The following PDE1C variants were observed in gnomAD, a reference collection of about 807,000 sequenced individuals.
PDE1C encodes the protein phosphodiesterase 1C.
PDE1C carries 62 observed loss-of-function variants against 93.1 expected under a neutral mutation model. That is an observed-to-expected ratio of 0.67 (90% CI 0.54 to 0.82). The LOEUF (loss-of-function observed/expected upper bound fraction) is 0.82, where lower values mean the gene tolerates loss of function less well. Among genes scored for constraint, PDE1C ranks in the 40% least tolerant of loss-of-function variants. The pLI is 0.00. For synonymous variants in PDE1C, 325 were observed against 310.1 expected, an observed-to-expected ratio of 1.05 and a Z score of -0.50; for missense variants, 742 against 884.6, an observed-to-expected ratio of 0.84 and a Z score of 2.04.
At chr7:32,235,140 T>G (rs1203999209) in intron 1 of PDE1C, among the ~76,000 whole-genome samples, 1 of 152,012 alleles carries the variant, frequency 6.6e-6, no homozygotes, top group African/African-American at 2.4e-5. Flanking sequence ...AACCTACAGC[T>G]AAAATCATAC....
At chr7:31,714,364 AATTATC>A in the PDE1C span, among the ~76,000 whole-genome samples, 2 of 152,004 alleles carry the variant, frequency 1.3e-5, no homozygotes, top group Non-Finnish European at 2.9e-5. Context: ...TTGTCTATAT[AATTATC>A]ATCATTTTGT....
intron 10 of PDE1C, 120 bp from the exon 11 acceptor site, chr7:31,837,420 G>T: frequency 1.1e-6 from 1 of 878,520 alleles, no homozygotes; most frequent in Non-Finnish European, 1.6e-6. Flanking sequence ...CCCCACTTCA[G>T]CTAAATTGAG....
chr7:32,041,934 G>A (rs942041827), intron 2 of PDE1C, among the ~76,000 whole-genome samples: 15 of 152,054 alleles, frequency 9.9e-5, no homozygotes, highest in Non-Finnish European at 2.1e-4. Flanking sequence ...TCTTTTTGAC[G>A]TTGATTTATT....
At chr7:31,774,045 T>A (rs532477474) in intron 17 of PDE1C, among the ~76,000 whole-genome samples, 62 of 152,254 alleles carry the variant, frequency 4.1e-4, no homozygotes, top group African/African-American at 1.5e-3. Context: ...GTGAGGGAGC[T>A]ACAGAAATTG....
At chr7:32,002,464 A>T (rs562570865) in intron 2 of PDE1C, among the ~76,000 whole-genome samples, 1 of 152,258 alleles carries the variant, frequency 6.6e-6, no homozygotes, top group East Asian at 1.9e-4. Context: ...CAGTTTCCTC[A>T]TCTGTGAAAA....
At chr7:31,966,034 G>C (rs1466960984) in intron 2 of PDE1C, among the ~76,000 whole-genome samples, 1 of 152,188 alleles carries the variant, frequency 6.6e-6, no homozygotes, top group Admixed American at 6.5e-5. Flanking sequence ...TCAAGGCTAG[G>C]AAGAAACTGC....
chr7:31,820,421 T>C (rs554084215), intron 14 of PDE1C: 1 of 152,232 alleles, frequency 6.6e-6, no homozygotes, highest in South Asian at 2.1e-4. Flanking sequence ...TTGATCAGAC[T>C]TGAAAATTGT....
intron 1 of PDE1C, among the ~76,000 whole-genome samples, chr7:32,426,043 C>CA (rs1012646348): frequency 2.0e-5 from 3 of 152,094 alleles, no homozygotes; most frequent in Non-Finnish European, 2.9e-5. Context: ...CTCCCACACA[C>CA]AAAAAATATA....
chr7:31,855,811 A>G (rs996870106), intron 7 of PDE1C, among the ~76,000 whole-genome samples: 23 of 148,428 alleles, frequency 1.5e-4, no homozygotes, highest in East Asian at 9.7e-4. Context: ...AAAAAAAAAG[A>G]CAAAGGGAAA....
At chr7:32,207,214 A>G (rs1353992297) in intron 2 of PDE1C, among the ~76,000 whole-genome samples, 1 of 152,142 alleles carries the variant, frequency 6.6e-6, no homozygotes, top group East Asian at 1.9e-4. Context: ...TAGAGGGTCC[A>G]GCCATCACAG....
intron 2 of PDE1C, among the ~76,000 whole-genome samples, chr7:31,920,542 CTTG>C (rs1303070144): frequency 6.6e-6 from 1 of 151,126 alleles, no homozygotes; most frequent in African/African-American, 2.5e-5. Flanking sequence ...GTATAGCCAC[CTTG>C]TTAAGTCTTT....
At chr7:31,913,479 C>T (rs1382947741) in intron 2 of PDE1C, among the ~76,000 whole-genome samples, 1 of 151,874 alleles carries the variant, frequency 6.6e-6, no homozygotes, top group African/African-American at 2.4e-5. Context: ...TGGTAGCAAT[C>T]AACACTGGGT....
intron 2 of PDE1C, among the ~76,000 whole-genome samples, chr7:31,967,486 A>T (rs148792182): frequency 0.018 from 2,695 of 152,324 alleles, 77 homozygotes; most frequent in African/African-American, 0.061. Context: ...CCAACCAAAG[A>T]AAGTCCACGA....
At chr7:32,105,222 A>G (rs1048638359) in intron 3 of PDE1C, among the ~76,000 whole-genome samples, 1 of 152,216 alleles carries the variant, frequency 6.6e-6, no homozygotes, top group East Asian at 1.9e-4. Context: ...GGGACATGAG[A>G]TAATTTTCTT....
intron 2 of PDE1C, among the ~76,000 whole-genome samples, chr7:32,028,047 G>GCT: frequency 6.6e-6 from 1 of 152,220 alleles, no homozygotes; most frequent in South Asian, 2.1e-4. Flanking sequence ...CCTCCTGATT[G>GCT]ACAGCTAGAG....
intron 1 of PDE1C, among the ~76,000 whole-genome samples, chr7:32,265,948 G>T (rs1810540838): frequency 7.3e-6 from 1 of 137,222 alleles, no homozygotes; most frequent in Non-Finnish European, 1.7e-5. Context: ...GGGGTAAGAG[G>T]GAAGGAGAAT....
In PDE1C at chr7:31,926,779, T is replaced by C. The variant is rs543746050; in HGVS notation, c.129-45919A>G. ...CAGCCCAGATGCTATGCTTTTCCCA[T>C]GGCTTTTGCAACGGCAGACCAGGAG... On this transcript the variant is annotated intron_variant, in intron 2 of 17. Transcript: ENST00000396191. Among the ~76,000 whole-genome samples, 3 of 152,250 alleles carry C rather than the reference T, an allele frequency of 2.0e-5. No individual in the cohort carries two copies. The South Asian group carries it at 6.2e-4, about 32-fold the overall frequency.
intron 1 of PDE1C, among the ~76,000 whole-genome samples, chr7:32,416,378 C>A (rs115318669): frequency 0.014 from 2,058 of 152,292 alleles, 51 homozygotes; most frequent in African/African-American, 0.048. Flanking sequence ...GCCATCCCCC[C>A]TCCCTGTTCC....
At chr7:31,979,431 CG>C (rs1812098857) in intron 2 of PDE1C, among the ~76,000 whole-genome samples, 1 of 152,192 alleles carries the variant, frequency 6.6e-6, no homozygotes, top group Admixed American at 6.5e-5. Flanking sequence ...AAATGTGCTA[CG>C]TACTACTCTA....
Sources: gnomAD v4.1 joint callset for allele counts (sites outside exome capture counted in the v4.1 genomes callset) on GRCh38, gnomAD v4.1.1 for gene constraint, MANE v1.5 for transcripts, NCBI Gene and HGNC (gene_info 2026-07-23, HGNC 2026-07-21) for gene names.